CYP7B1: variants seen among roughly 807,000 people sequenced by gnomAD.
CYP7B1 encodes the protein cytochrome P450 family 7 subfamily B member 1.
CYP7B1 carries 29 observed loss-of-function variants against 42.7 expected under a neutral mutation model. The observed-to-expected ratio is 0.68, with a 90% CI of 0.51 to 0.93. The LOEUF (loss-of-function observed/expected upper bound fraction) is 0.93. Among genes scored for constraint, CYP7B1 ranks in the 40% least tolerant of loss-of-function variants. The pLI is 0.00. For synonymous variants in CYP7B1, 235 were observed against 218.2 expected (o/e 1.08, Z -0.68); for missense variants, 655 against 600.5 (o/e 1.09, Z -0.95).
chr8:64,796,894 C>T (rs898344871), intron 1 of CYP7B1, among the ~76,000 whole-genome samples: 1 of 152,094 alleles, frequency 6.6e-6, no homozygotes, highest in African/African-American at 2.4e-5. Flanking sequence ...GAGGTGATAT[C>T]TGAAAAATCA....
At chr8:64,615,375 T>C (rs1424048920) in intron 3 of CYP7B1, 143 bp from the exon 4 acceptor site, 27 of 879,764 alleles carry the variant, frequency 3.1e-5, no homozygotes, top group Non-Finnish European at 4.2e-5. Flanking sequence ...TTCTGAAGTC[T>C]AATTTTCTGC....
intron 1 of CYP7B1, among the ~76,000 whole-genome samples, chr8:64,765,698 G>A (rs1585902582): frequency 6.6e-6 from 1 of 152,276 alleles, no homozygotes. Context: ...CATAGAAGAC[G>A]CTCTTGGACT....
chr8:64,712,477 T>A (rs1585871480), intron 1 of CYP7B1, among the ~76,000 whole-genome samples: 1 of 152,042 alleles, frequency 6.6e-6, no homozygotes, highest in African/African-American at 2.4e-5. Flanking sequence ...TCATATATCA[T>A]CACCACTTGA....
chr8:64,782,619 G>T (rs1456163377), intron 1 of CYP7B1, among the ~76,000 whole-genome samples: 1 of 152,208 alleles, frequency 6.6e-6, no homozygotes, highest in Non-Finnish European at 1.5e-5. Context: ...TCTTCTGATA[G>T]AGATAAGAGA....
At chr8:64,668,928 C>A (rs544257013) in intron 1 of CYP7B1, among the ~76,000 whole-genome samples, 1 of 151,946 alleles carries the variant, frequency 6.6e-6, no homozygotes, top group Non-Finnish European at 1.5e-5. Context: ...AAAATATGTT[C>A]GAATCCCATA....
intron 1 of CYP7B1, among the ~76,000 whole-genome samples, chr8:64,797,024 T>G (rs1455087242): frequency 1.3e-5 from 2 of 152,204 alleles, no homozygotes; most frequent in Non-Finnish European, 2.9e-5. Flanking sequence ...AGTAGTGTCC[T>G]ATAGATTTGG....
chr8:64,721,457 T>A (rs1355721876), intron 1 of CYP7B1, among the ~76,000 whole-genome samples: 1 of 152,186 alleles, frequency 6.6e-6, no homozygotes, highest in Non-Finnish European at 1.5e-5. Flanking sequence ...TATATCAATC[T>A]GTAAAAAGCC....
At chr8:64,732,416 C>T (rs1807425941) in intron 1 of CYP7B1, among the ~76,000 whole-genome samples, 1 of 152,216 alleles carries the variant, frequency 6.6e-6, no homozygotes, top group Non-Finnish European at 1.5e-5. Context: ...TGGCCAATTT[C>T]TCCCATCTGA....
chr8:64,598,189 A>G (rs972306262), intron 5 of CYP7B1, among the ~76,000 whole-genome samples: 6 of 152,224 alleles, frequency 3.9e-5, no homozygotes, highest in Admixed American at 3.9e-4. Context: ...CTGCATTTTT[A>G]TAACTGCTCA....
intron 1 of CYP7B1, among the ~76,000 whole-genome samples, chr8:64,645,627 G>A (rs1012629293): frequency 6.6e-6 from 1 of 152,114 alleles, no homozygotes; most frequent in Admixed American, 6.6e-5. Context: ...ACTGCCCAAG[G>A]TAATTTATAG....
intron 1 of CYP7B1, among the ~76,000 whole-genome samples, chr8:64,649,307 G>A (rs1170536097): frequency 6.6e-6 from 1 of 152,100 alleles, no homozygotes; most frequent in African/African-American, 2.4e-5. Flanking sequence ...AAATTATACA[G>A]TATTTGTCTT....
At chr8:64,598,224 C>T (rs1287229982) in intron 5 of CYP7B1, among the ~76,000 whole-genome samples, 1 of 152,092 alleles carries the variant, frequency 6.6e-6, no homozygotes, top group Non-Finnish European at 1.5e-5. Flanking sequence ...ATATTTGAGC[C>T]CTTTAAAACA....
In CYP7B1 at chr8:64,798,694, A is replaced by G. The variant is rs950910796; in HGVS notation, c.-107T>C. On this transcript the variant is annotated 5_prime_UTR_variant, in exon 1 of 6. Coordinates refer to ENST00000310193, the MANE Select transcript of CYP7B1 (RefSeq NM_004820.5). Reference sequence around the variant, plus strand: ...TTCTCTCGGCGGCGCCCCCTAGTCCAGGGCCGGAGAGGCTGGCCTGCCCGC... The same window carrying G: ...TTCTCTCGGCGGCGCCCCCTAGTCCGGGGCCGGAGAGGCTGGCCTGCCCGC... The G allele has an allele frequency of 1.4e-5, 17 of 1,237,230 alleles. No homozygotes were observed. The African/African-American group carries it at 1.9e-4, about 14-fold the overall frequency. 76.6% of individuals were successfully genotyped at this position (1,237,230 alleles called of 1,614,324 possible).
intron 1 of CYP7B1, among the ~76,000 whole-genome samples, chr8:64,691,977 C>T (rs1314181649): frequency 1.3e-5 from 2 of 152,166 alleles, no homozygotes; most frequent in African/African-American, 4.8e-5. Flanking sequence ...CAAATCTTGT[C>T]TCAAAGGATT....
chr8:64,722,003 A>T (rs1436985195), intron 1 of CYP7B1, among the ~76,000 whole-genome samples: 1 of 152,218 alleles, frequency 6.6e-6, no homozygotes, highest in East Asian at 1.9e-4. Context: ...TAAACAATTT[A>T]TAATTTTAAA....
At chr8:64,741,380 C>A (rs148703226) in intron 1 of CYP7B1, among the ~76,000 whole-genome samples, 1 of 151,836 alleles carries the variant, frequency 6.6e-6, no homozygotes, top group Non-Finnish European at 1.5e-5. Context: ...AGTGTAATGG[C>A]GCGATCTCGG....
At chr8:64,733,710 C>T (rs1013465062) in intron 1 of CYP7B1, among the ~76,000 whole-genome samples, 2 of 152,188 alleles carry the variant, frequency 1.3e-5, no homozygotes, top group African/African-American at 4.8e-5. Context: ...ATGACCCATG[C>T]TTGCAATCCC....
chr8:64,621,986 C>T (rs986543369), intron 2 of CYP7B1, among the ~76,000 whole-genome samples: 29 of 151,962 alleles, frequency 1.9e-4, no homozygotes, highest in African/African-American at 6.5e-4. Flanking sequence ...TCGTGATCCA[C>T]CCGCCTCAGA....
At chr8:64,729,785 C>A (rs1403197017) in intron 1 of CYP7B1, among the ~76,000 whole-genome samples, 1 of 152,162 alleles carries the variant, frequency 6.6e-6, no homozygotes, top group Admixed American at 6.5e-5. Context: ...GTCCTGTGTG[C>A]TCTGAATGTT....
Sources: gnomAD v4.1 joint callset for allele counts (sites outside exome capture counted in the v4.1 genomes callset) on GRCh38, gnomAD v4.1.1 for gene constraint, MANE v1.5 for transcripts, NCBI Gene and HGNC (gene_info 2026-07-23, HGNC 2026-07-21) for gene names.